Variants in HELZ observed in about 807,000 individuals in gnomAD.
HELZ encodes the protein helicase with zinc finger.
Under a neutral mutation model 218.2 loss-of-function variants are expected in HELZ, and 23 were observed. The ratio of observed to expected loss-of-function variants is 0.11; its 90% CI spans 0.08 to 0.15. The LOEUF (loss-of-function observed/expected upper bound fraction) is 0.15. Among genes scored for constraint, HELZ ranks in the 10% least tolerant of loss-of-function variants. HELZ has a pLI of 1.00. For synonymous variants in HELZ, 814 were observed against 829.4 expected, an observed-to-expected ratio of 0.98 and a Z score of 0.32; for missense variants, 1,813 against 2,353.7, an observed-to-expected ratio of 0.77 and a Z score of 4.75.
Position 67,078,404 on chromosome 17 carries a change from C to G in HELZ, c.5677G>C (p.Ala1893Pro). The change falls in exon 33 of 33, where the codon GCC becomes CCC. Residue 1893 changes from alanine (A) to proline (P), a missense_variant. Around this residue, in one of 4 missense-constraint regions of HELZ, gnomAD observed 938 missense variants for 1,027.5 expected, o/e 0.91. Coordinates refer to ENST00000358691, the MANE Select transcript of HELZ (RefSeq NM_014877.4). ...SPQSSAGGKPAMSYASALRAP... is the reference protein window; with the variant it reads ...SPQSSAGGKPPMSYASALRAP... ...CGCAGAGCGCTGGCATAGGACATGG[C>G]GGGCTTGCCCCCCGCAGAGCTCTGG... 6.2e-7 allele frequency: 1 copy of G among 1,600,960 alleles called. No individual in the cohort carries two copies.
chr17:67,182,073 AG>A (rs1204528094), intron 12 of HELZ, among the ~76,000 whole-genome samples: 1 of 152,190 alleles, frequency 6.6e-6, no homozygotes, highest in East Asian at 1.9e-4. Context: ...CTCAGCACTC[AG>A]GGCAGCCTGA....
chr17:67,231,775 A>G (rs58196667), intron 3 of HELZ, among the ~76,000 whole-genome samples: 45,518 of 151,090 alleles, frequency 0.3, 9,121 homozygotes, highest in African/African-American at 0.58. Flanking sequence ...ATTACAGGCC[A>G]GGTGCGGTGG....
At chr17:67,218,289 A>T (rs2040657874) in intron 4 of HELZ, among the ~76,000 whole-genome samples, 1 of 152,202 alleles carries the variant, frequency 6.6e-6, no homozygotes, top group Non-Finnish European at 1.5e-5. Context: ...TAGAAAAAGT[A>T]TCATAAAGAA....
chr17:67,128,593 G>C, intron 24 of HELZ, 58 bp downstream of exon 24: 2 of 1,425,970 alleles, frequency 1.4e-6, no homozygotes, highest in Non-Finnish European at 2.0e-6. Context: ...TAAACCTTTG[G>C]CACTTCTGCG....
chr17:67,131,663 G>C (rs1470528904), intron 23 of HELZ, among the ~76,000 whole-genome samples: 1 of 152,016 alleles, frequency 6.6e-6, no homozygotes, highest in Non-Finnish European at 1.5e-5. Context: ...ACTTCGTGCA[G>C]ATTACTTAGC....
In HELZ at chr17:67,089,694, G is replaced by GAC. The variant is rs1555595479; in HGVS notation, c.5242-2614_5242-2613insGT. Among the ~76,000 whole-genome samples, 159 of 100,720 alleles carry GAC rather than the reference G, an allele frequency of 1.6e-3. 1 individual carries two copies. The highest frequency in any genetic ancestry group is 4.4e-3 in the African/African-American group (108 of 24,390). 66.1% of individuals were successfully genotyped at this position (100,720 alleles called of 152,430 possible). ...AGAGAGAGAGAGAGAGAGAGAGAGA[G>GAC]AGAGAGACAGAGAGACAGAGAGAGA... is the stretch of plus-strand genomic sequence containing the variant. On this transcript the variant is annotated intron_variant, in intron 31 of 32. Coordinates refer to ENST00000358691, the MANE Select transcript of HELZ (RefSeq NM_014877.4).
chr17:67,207,134 A>C (rs1176997004), intron 5 of HELZ, among the ~76,000 whole-genome samples: 1 of 139,778 alleles, frequency 7.2e-6, no homozygotes, highest in Non-Finnish European at 1.5e-5. Context: ...TTGGTCTCGA[A>C]CTCCTGACCT....
chr17:67,141,212 C>T (rs2038311066), intron 21 of HELZ, among the ~76,000 whole-genome samples: 1 of 152,086 alleles, frequency 6.6e-6, no homozygotes, highest in Non-Finnish European at 1.5e-5. Flanking sequence ...CTCCTCTTAA[C>T]TGGTTTAAAA....
chr17:67,182,652 G>C (rs931597070), intron 12 of HELZ, among the ~76,000 whole-genome samples: 1 of 152,148 alleles, frequency 6.6e-6, no homozygotes, highest in Non-Finnish European at 1.5e-5. Flanking sequence ...AAATCCATAA[G>C]TTAAAGATAA....
chr17:67,232,178 C>T (rs1199979777), intron 3 of HELZ, among the ~76,000 whole-genome samples: 1 of 150,842 alleles, frequency 6.6e-6, no homozygotes, highest in Non-Finnish European at 1.5e-5. Context: ...GAGCCTCGCT[C>T]TGTCACCCAG....
At chr17:67,207,154 C>T (rs1365517479) in intron 5 of HELZ, among the ~76,000 whole-genome samples, 5 of 150,564 alleles carry the variant, frequency 3.3e-5, no homozygotes, top group East Asian at 1.9e-4. Flanking sequence ...TCAAGTGATC[C>T]GCCCGCCTCT....
At chr17:67,113,273 T>A (rs2143779148) in intron 28 of HELZ, among the ~76,000 whole-genome samples, 1 of 152,240 alleles carries the variant, frequency 6.6e-6, no homozygotes, top group African/African-American at 2.4e-5. Context: ...TTAATTTTTT[T>A]TTTTTAGACA....
chr17:67,173,453 C>A (rs1056958215), intron 13 of HELZ, among the ~76,000 whole-genome samples: 1 of 152,120 alleles, frequency 6.6e-6, no homozygotes, highest in African/African-American at 2.4e-5. Context: ...TTACAGCCAA[C>A]TGAACACTCA....
chr17:67,131,692 T>A (rs918493670), intron 23 of HELZ, among the ~76,000 whole-genome samples: 2 of 152,118 alleles, frequency 1.3e-5, no homozygotes, highest in Non-Finnish European at 2.9e-5. Flanking sequence ...ATATCTCAGT[T>A]TCCTCATGTG....
chr17:67,113,936 C>A (rs1299849439), intron 28 of HELZ, among the ~76,000 whole-genome samples: 2 of 152,132 alleles, frequency 1.3e-5, no homozygotes, highest in Non-Finnish European at 2.9e-5. Context: ...GAATTAAGGG[C>A]TTAGTGGGTA....
At chr17:67,090,488 T>C (rs1228334669) in intron 31 of HELZ, among the ~76,000 whole-genome samples, 1 of 152,158 alleles carries the variant, frequency 6.6e-6, no homozygotes, top group African/African-American at 2.4e-5. Context: ...TTCTTCACAT[T>C]TTTGGAGGAA....
chr17:67,137,915 T>C lies in HELZ; in HGVS notation c.2953+16A>G. The C allele has an allele frequency of 6.4e-7, 1 of 1,569,084 alleles. No homozygotes were observed. The stretch of plus-strand genomic sequence containing the variant: ...TAAGCATTTGAATGACTGAATTCAT[T>C]TCAATTGACACTTACCTTGAACATT... On this transcript the variant is annotated intron_variant, in intron 22 of 32. Coordinates refer to ENST00000358691, the MANE Select transcript of HELZ (RefSeq NM_014877.4).
In HELZ at chr17:67,109,296, C is replaced by A. The variant is rs2037204625; in HGVS notation, c.4309G>T (p.Ala1437Ser). 2 of 1,613,962 alleles carry A rather than the reference C, an allele frequency of 1.2e-6. No individual in the cohort carries two copies. The highest frequency in any genetic ancestry group is 2.7e-5 in the African/African-American group (2 of 74,864). Reference sequence around the variant, plus strand: ...GCAGGAGGAGACTGTGGCCGATGAGCAACTGCACTATTAAAAAAAGCATTG... The same window carrying A: ...GCAGGAGGAGACTGTGGCCGATGAGAAACTGCACTATTAAAAAAAGCATTG... ...PNNAFFNSAV[A>S]HRPQSPPAEA... Residue 1437 changes from alanine to serine, a missense_variant, in exon 29 of 33, where the codon GCT becomes TCT. Around this residue, in one of 4 missense-constraint regions of HELZ, gnomAD observed 938 missense variants for 1,027.5 expected, o/e 0.91. Coordinates refer to ENST00000358691, the MANE Select transcript of HELZ (RefSeq NM_014877.4).
intron 5 of HELZ, among the ~76,000 whole-genome samples, chr17:67,213,075 A>G (rs2040499516): frequency 6.6e-6 from 1 of 152,212 alleles, no homozygotes; most frequent in Non-Finnish European, 1.5e-5. Context: ...ATGCTCCTTC[A>G]GCATTTACTT....
Sources: gnomAD v4.1 joint callset for allele counts (sites outside exome capture counted in the v4.1 genomes callset) on GRCh38, gnomAD v4.1.1 for gene constraint, gnomAD v4.1.1 regional missense constraint, MANE v1.5 for transcripts, NCBI Gene and HGNC (gene_info 2026-07-23, HGNC 2026-07-21) for gene names.